Variants in RARS2 observed in about 807,000 individuals in gnomAD.
RARS2 encodes the protein probable arginine--tRNA ligase, mitochondrial.
RARS2 carries 67 observed loss-of-function variants against 88.5 expected under a neutral mutation model. That is an observed-to-expected ratio of 0.76 (90% CI 0.62 to 0.93). The LOEUF is 0.93. Among genes scored for constraint, RARS2 ranks in the 40% least tolerant of loss-of-function variants. RARS2 has a pLI of 0.00. For synonymous variants in RARS2, 239 were observed against 230.3 expected (o/e 1.04, Z -0.34); for missense variants, 664 against 684.2 (o/e 0.97, Z 0.33).
intron 4 of RARS2, among the ~76,000 whole-genome samples, chr6:87,560,846 C>T (rs1348119368): frequency 6.6e-6 from 1 of 152,182 alleles, no homozygotes; most frequent in Non-Finnish European, 1.5e-5. Flanking sequence ...AAAGATCGTG[C>T]CATTGCACTC....
chr6:87,561,720 G>A (rs978383809), intron 4 of RARS2, among the ~76,000 whole-genome samples: 6 of 152,178 alleles, frequency 3.9e-5, no homozygotes, highest in Non-Finnish European at 7.3e-5. Context: ...ACTGAGCAGG[G>A]CAACTGTAAG....
rs1258801055 is a variant in RARS2, at chr6:87,564,328, C to T, written c.111-96G>A. On this transcript the variant is annotated intron_variant, in intron 2 of 19. Transcript: ENST00000369536. The stretch of plus-strand genomic sequence containing the variant: ...ACTATGAGTTCTCCATTGAGACATA[C>T]CTTTACCAGAAGAAGGTGTTATGTG... 4.5e-6 allele frequency: 4 copies of T among 890,754 alleles called. No homozygotes were observed. In the African/African-American group the frequency reaches 4.9e-5, roughly 11 times the overall value. 55.2% of individuals were successfully genotyped at this position (890,754 alleles called of 1,614,324 possible).
intron 12 of RARS2, among the ~76,000 whole-genome samples, 163 bp downstream of exon 12, chr6:87,521,301 A>G (rs1422603649): frequency 6.6e-6 from 1 of 152,186 alleles, no homozygotes; most frequent in Non-Finnish European, 1.5e-5. Context: ...AAACTTTTTC[A>G]TTTTTAAGTG....
At chr6:87,579,984 C>T (rs1205826910) in intron 1 of RARS2, among the ~76,000 whole-genome samples, 1 of 151,928 alleles carries the variant, frequency 6.6e-6, no homozygotes, top group African/African-American at 2.4e-5. Flanking sequence ...CGTGATCCAC[C>T]CGCCTCCACC....
chr6:87,586,606 T>C (rs1386451715), intron 1 of RARS2, among the ~76,000 whole-genome samples: 1 of 152,226 alleles, frequency 6.6e-6, no homozygotes, highest in Non-Finnish European at 1.5e-5. Flanking sequence ...CAGAAACTAT[T>C]TTCCGTTCAC....
At chr6:87,547,481 C>T (rs1782928788) in intron 6 of RARS2, among the ~76,000 whole-genome samples, 1 of 152,114 alleles carries the variant, frequency 6.6e-6, no homozygotes, top group Admixed American at 6.6e-5. Flanking sequence ...AGATAAACTC[C>T]AAAGTCCCTT....
chr6:87,527,273 C>A (rs905289778), intron 10 of RARS2, among the ~76,000 whole-genome samples: 7 of 152,102 alleles, frequency 4.6e-5, no homozygotes, highest in African/African-American at 1.7e-4. Flanking sequence ...CATGCCACTG[C>A]ACTCCAGCCT....
rs1057522050 is a variant in RARS2 at position 87,514,991 on chromosome 6, A to G, written c.1616T>C (p.Leu539Pro). The G allele has an allele frequency of 1.2e-6, 2 of 1,613,550 alleles. No individual in the cohort carries two copies. The highest frequency in any genetic ancestry group is 1.6e-4 in the Middle Eastern group (1 of 6,062). ...SHLAAVAHKT[L>P]QIKDSPPEVA... The stretch of plus-strand genomic sequence containing the variant: ...TTCAGGAGGACTATCTTTTATTTGT[A>G]GTGTTTTGTGTGCCACAGCTGCAAG... The change falls in exon 19 of 20, where the codon CTA becomes CCA. Residue 539 changes from leucine (L) to proline (P), a missense_variant. Transcript: ENST00000369536.
chr6:87,548,922 T>C (rs1053474081), intron 5 of RARS2, among the ~76,000 whole-genome samples: 4 of 152,130 alleles, frequency 2.6e-5, no homozygotes, highest in Non-Finnish European at 5.9e-5. Flanking sequence ...AATTTAAAAA[T>C]GTAAAAATAC....
At chr6:87,553,949 A>G (rs1416272856) in intron 5 of RARS2, among the ~76,000 whole-genome samples, 1 of 152,182 alleles carries the variant, frequency 6.6e-6, no homozygotes, top group Non-Finnish European at 1.5e-5. Context: ...CTTTAAGAAG[A>G]CAAGTGAGTG....
At chr6:87,589,061 A>G (rs1464167626) in intron 1 of RARS2, among the ~76,000 whole-genome samples, 1 of 152,236 alleles carries the variant, frequency 6.6e-6, no homozygotes, top group Non-Finnish European at 1.5e-5. Flanking sequence ...GAAATACTGT[A>G]AAAATGAGCC....
At position 87,541,972 on chromosome 6, in the gene RARS2, C is replaced by T. The variant is rs2128106929; in HGVS notation, c.558G>A (p.Gln186=). The T allele has an allele frequency of 1.2e-6, 2 of 1,613,392 alleles. No homozygotes were observed. Among genetic ancestry groups the T allele is most frequent in the Non-Finnish European group, 1.7e-6 (2 of 1,179,492 alleles). Residue 186 remains glutamine (Q), a synonymous_variant, in exon 8 of 20, where the codon CAG becomes CAA. Transcript: ENST00000369536. ...GCAGTTTTTCCTCATAGCCAAACAG[C>T]TGGAAGCCAGTTCCCAGAAGACCTA... ...MQFGLLGTGF[Q]LFGYEEKLQS...
At chr6:87,587,830 C>T (rs1014997364) in intron 1 of RARS2, among the ~76,000 whole-genome samples, 1 of 152,054 alleles carries the variant, frequency 6.6e-6, no homozygotes, top group Non-Finnish European at 1.5e-5. Context: ...TGAAGTGCAG[C>T]GGTGCAATCA....
intron 10 of RARS2, among the ~76,000 whole-genome samples, chr6:87,525,792 G>A (rs1029936464): frequency 6.6e-6 from 1 of 151,766 alleles, no homozygotes; most frequent in South Asian, 2.1e-4. Context: ...TGTGATCCGC[G>A]CCCCCGGCCT....
chr6:87,526,009 T>A (rs1775566063), intron 10 of RARS2, among the ~76,000 whole-genome samples: 1 of 151,916 alleles, frequency 6.6e-6, no homozygotes, highest in Non-Finnish European at 1.5e-5. Context: ...ATGAAAGAAA[T>A]CAAAACACAG....
Position 87,521,524 on chromosome 6 carries a change from T to C in RARS2, c.975A>G (p.Arg325=). ...RSDGTSLYAT[R]DLAAAIDRMD... Reference sequence around the variant, plus strand: ...TTCGATCTATAGCAGCTGCAAGATCTCTGAAACAAAGTGGCCATAAACCAA... The same window carrying C: ...TTCGATCTATAGCAGCTGCAAGATCCCTGAAACAAAGTGGCCATAAACCAA... Residue 325 remains arginine (R), a splice_region_variant and synonymous_variant, in exon 12 of 20, where the codon AGA becomes AGG. Coordinates refer to ENST00000369536, the MANE Select transcript of RARS2 (RefSeq NM_020320.5). 1.2e-6 allele frequency: 2 copies of C among 1,611,996 alleles called. No individual in the cohort carries two copies. Among genetic ancestry groups the C allele is most frequent in the South Asian group, 1.1e-5 (1 of 91,022 alleles).
intron 1 of RARS2, among the ~76,000 whole-genome samples, chr6:87,588,226 T>C (rs1228673670): frequency 6.6e-6 from 1 of 152,240 alleles, no homozygotes; most frequent in East Asian, 1.9e-4. Flanking sequence ...CCTTCCCTGA[T>C]ATGGTTTACT....
chr6:87,548,482 A>G, intron 6 of RARS2, 109 bp downstream of exon 6: 1 of 1,093,112 alleles, frequency 9.1e-7, no homozygotes. Flanking sequence ...ATAAATTTAA[A>G]CTTTTTGTTT....
rs1489126418 is a variant in RARS2 at position 87,529,583 on chromosome 6, G to A, written c.837C>T (p.Val279=). 6.2e-7 allele frequency: 1 copy of A among 1,608,068 alleles called. No individual in the cohort carries two copies. Among genetic ancestry groups the A allele is most frequent in the African/African-American group, 1.3e-5 (1 of 74,750 alleles). The change falls in exon 10 of 20, where the codon GTC becomes GTT. Residue 279 remains valine, a synonymous_variant. Transcript: ENST00000369536. ...ESFYREKSQE[V]LKLLESKGLL... is the part of the protein sequence containing the mutation. ...GTCCTTTACTCTCCAGCAACTTTAA[G>A]ACCTCTTGAGATTTTTCACGATAAA...
Sources: gnomAD v4.1 joint callset for allele counts (sites outside exome capture counted in the v4.1 genomes callset) on GRCh38, gnomAD v4.1.1 for gene constraint, MANE v1.5 for transcripts, NCBI Gene and HGNC (gene_info 2026-07-23, HGNC 2026-07-21) for gene names.